C20orf173: variants seen among roughly 807,000 people sequenced by gnomAD.
C20orf173 encodes the protein chromosome 20 open reading frame 173.
C20orf173 carries 22 observed loss-of-function variants against 26.7 expected under a neutral mutation model. That is an observed-to-expected ratio of 0.82 (90% CI 0.59 to 1.18). The LOEUF (loss-of-function observed/expected upper bound fraction) is 1.18. C20orf173 is among the 50% of genes most tolerant of loss of function. The pLI is 0.00. For synonymous variants in C20orf173, 85 were observed against 96.4 expected (o/e 0.88, Z 0.69); for missense variants, 210 against 250.3 (o/e 0.84, Z 1.09).
At chr20:35,522,800 C>T (rs1483168716), downstream of C20orf173, 1 of 152,746 alleles carries the variant, frequency 6.5e-6, no homozygotes, top group African/African-American at 2.4e-5. Flanking sequence ...AGGGGAGGTG[C>T]TTTAATCAGC....
At position 35,528,329 on chromosome 20, in the gene C20orf173, G is replaced by C. The variant is rs1311155405; in HGVS notation, c.583-45C>G. On this transcript the variant is annotated intron_variant, in intron 4 of 5. Coordinates refer to ENST00000444723, the MANE Select transcript of C20orf173 (RefSeq NM_001145350.2). ...GGGGGAGTTTGGGCCACAAGACCTG[G>C]GAAAGTCCTGCAAGTGTCCCCAGTA... The C allele has an allele frequency of 1.9e-6, 3 of 1,551,348 alleles. No individual in the cohort carries two copies. In the South Asian group the frequency reaches 3.6e-5, roughly 18 times the overall value.
Position 35,529,595 on chromosome 20 carries a change from A to G in C20orf173, c.-88T>C, listed in dbSNP as rs902451896. On this transcript the variant is annotated 5_prime_UTR_variant, in exon 1 of 6. Coordinates refer to ENST00000444723, the MANE Select transcript of C20orf173 (RefSeq NM_001145350.2). ...TCTCTGACTGGGCATGGGGTGGAAG[A>G]GGCCAGGGCAGAGAGACAGCATGTG... 6 of 567,718 alleles carry G rather than the reference A, an allele frequency of 1.1e-5. No individual in the cohort carries two copies. In the African/African-American group the frequency reaches 1.1e-4, roughly 11 times the overall value. The allele number at this position is 567,718 out of a possible 1,614,324, so 35.2% of individuals were successfully genotyped here.
chr20:35,526,153 GA>G (rs1444518852), downstream of C20orf173, among the ~76,000 whole-genome samples: 1 of 152,138 alleles, frequency 6.6e-6, no homozygotes, highest in African/African-American at 2.4e-5. Flanking sequence ...ACTACCCCAG[GA>G]ATGGCCCACC....
rs1020109515 is a variant in C20orf173 at position 35,527,210 on chromosome 20, C to T, written c.*66G>A. ...ATTATCCTCCTTCCAGTGATAGAAA[C>T]ACTTTCCTTGCTATTCTGATCCAAA... On this transcript the variant is annotated 3_prime_UTR_variant, in exon 6 of 6. Transcript: ENST00000444723. The T allele has an allele frequency of 6.6e-6, 1 of 152,206 alleles. No individual in the cohort carries two copies. Among genetic ancestry groups the T allele is most frequent in the Non-Finnish European group, 1.5e-5 (1 of 68,066 alleles). 9.4% of individuals were successfully genotyped at this position (152,206 alleles called of 1,614,324 possible). A position where few individuals can be genotyped will look rare whatever the true frequency, so the allele number is the denominator to read the frequency against.
At chr20:35,528,624 T>G in intron 3 of C20orf173, 77 bp downstream of exon 3, 1 of 1,545,966 alleles carries the variant, frequency 6.5e-7, no homozygotes, top group South Asian at 1.2e-5. Context: ...TGCTTCATCT[T>G]GGGAAGGGGA....
intron 5 of C20orf173, 130 bp from the exon 6 acceptor site, chr20:35,527,380 G>C (rs1205250585): frequency 1.3e-5 from 2 of 151,948 alleles, no homozygotes; most frequent in African/African-American, 4.8e-5. Context: ...TCACCTCCAG[G>C]AAACAGACTC....
downstream of C20orf173, among the ~76,000 whole-genome samples, chr20:35,525,800 A>T (rs2064499495): frequency 6.6e-6 from 1 of 152,228 alleles, no homozygotes; most frequent in African/African-American, 2.4e-5. Flanking sequence ...CCCCATAGGC[A>T]GTGTGCCCAG....
downstream of C20orf173, among the ~76,000 whole-genome samples, chr20:35,524,017 G>A (rs1428139968): frequency 1.3e-5 from 2 of 152,016 alleles, no homozygotes; most frequent in Non-Finnish European, 2.9e-5. Flanking sequence ...TTCTTTTTAA[G>A]AACTGTTTTT....
chr20:35,528,940 G>A, intron 2 of C20orf173, 61 bp from the exon 3 acceptor site: 2 of 1,544,850 alleles, frequency 1.3e-6, no homozygotes, highest in Middle Eastern at 1.7e-4. Flanking sequence ...AGAGCTGGGT[G>A]GGTGAGATCT....
chr20:35,527,687 C>T (rs752570692), intron 5 of C20orf173, among the ~76,000 whole-genome samples: 1 of 151,854 alleles, frequency 6.6e-6, no homozygotes, highest in Non-Finnish European at 1.5e-5. Context: ...GGCGCAATCT[C>T]GGCTAACTGC....
At chr20:35,526,664 G>A (rs2147285857), downstream of C20orf173, among the ~76,000 whole-genome samples, 1 of 145,100 alleles carries the variant, frequency 6.9e-6, no homozygotes, top group East Asian at 2.0e-4. Flanking sequence ...AATTGGAACT[G>A]AGGCACCTAA....
chr20:35,527,858 T>C (rs1462916993), intron 5 of C20orf173, among the ~76,000 whole-genome samples: 1 of 152,120 alleles, frequency 6.6e-6, no homozygotes, highest in East Asian at 1.9e-4. Flanking sequence ...TTTGACCATA[T>C]TGGCCAGGCT....
At chr20:35,522,973 T>G (rs1302640319), downstream of C20orf173, 1 of 152,542 alleles carries the variant, frequency 6.6e-6, no homozygotes, top group Non-Finnish European at 1.5e-5. Flanking sequence ...TGGGGTTGGG[T>G]CAGGGACTGG....
chr20:35,528,027 GAGA>G lies in C20orf173; in HGVS notation c.*25+203_*25+205del, dbSNP rs374260364. On this transcript the variant is annotated intron_variant, in intron 5 of 5. Transcript: ENST00000444723. ...AGGCATTGAGGAGCAGGAATTTTAA[GAGA>G]AGAAGATACAAGAATCTTTCCTGCC... Among the ~76,000 whole-genome samples, 23 of 152,310 alleles carry G rather than the reference GAGA, an allele frequency of 1.5e-4. No homozygotes were observed. The East Asian group carries it at 3.7e-3, about 24-fold the overall frequency.
chr20:35,529,111 A>G lies in C20orf173; in HGVS notation c.263T>C (p.Met88Thr), dbSNP rs1021000871. 6.4e-6 allele frequency: 10 copies of G among 1,551,580 alleles called. No homozygotes were observed. Among genetic ancestry groups the G allele is most frequent in the African/African-American group, 2.7e-5 (2 of 73,038 alleles). Residue 88 changes from methionine to threonine, a missense_variant, in exon 2 of 6, where the codon ATG becomes ACG. Transcript: ENST00000444723. ...ACSRKTMGYLMRTRESMTSDT... is the reference protein window; with the variant it reads ...ACSRKTMGYLTRTRESMTSDT... ...AGAGGTCATAGACTCTCTTGTCCTCATCAGGTACCCCATAGTCTTCCTGGA... is the reference window on the plus strand; with the variant it reads ...AGAGGTCATAGACTCTCTTGTCCTCGTCAGGTACCCCATAGTCTTCCTGGA...
At chr20:35,525,155 G>A (rs1235930928), downstream of C20orf173, among the ~76,000 whole-genome samples, 2 of 151,924 alleles carry the variant, frequency 1.3e-5, no homozygotes, top group African/African-American at 4.8e-5. Flanking sequence ...ACTTATAAAT[G>A]TGACCTTATT....
downstream of C20orf173, among the ~76,000 whole-genome samples, chr20:35,525,727 A>C (rs114336708): frequency 0.011 from 1,709 of 152,270 alleles, 28 homozygotes; most frequent in African/African-American, 0.038. Flanking sequence ...GTGTTAGCAA[A>C]CTGTATTGAA....
At position 35,528,245 on chromosome 20, in the gene C20orf173, A is replaced by G. The variant is rs1008455908; in HGVS notation, c.*13T>C. The G allele has an allele frequency of 2.4e-5, 37 of 1,551,826 alleles. No individual in the cohort carries two copies. The highest frequency in any genetic ancestry group is 3.1e-5 in the Non-Finnish European group (35 of 1,147,010). On this transcript the variant is annotated 3_prime_UTR_variant, in exon 5 of 6. Transcript: ENST00000444723. ...TATTCCCCCTCACCGTGTCTTTGCT[A>G]TCTTCCACTCCACTAGGGAACCAGA...
downstream of C20orf173, chr20:35,526,822 C>T (rs1428865015): frequency 6.6e-6 from 1 of 152,158 alleles, no homozygotes; most frequent in East Asian, 1.9e-4. Flanking sequence ...CCCCCAACAA[C>T]TCAAAGTCTG....
Sources: allele counts gnomAD v4.1 joint callset (sites outside exome capture counted in the v4.1 genomes callset), GRCh38; gene constraint gnomAD v4.1.1; transcripts MANE v1.5; gene names NCBI Gene and HGNC (gene_info 2026-07-23, HGNC 2026-07-21).